Variants in C10orf90 observed in about 807,000 individuals in gnomAD.
C10orf90 encodes (E2-independent) E3 ubiquitin-conjugating enzyme FATS.
C10orf90 carries 56 observed loss-of-function variants against 62.5 expected under a neutral mutation model. The observed-to-expected ratio is 0.90, with a 90% CI of 0.72 to 1.12. The LOEUF is 1.12. Ranked by LOEUF, C10orf90 falls within the 50% of genes most tolerant of loss-of-function variation. The pLI, the probability that C10orf90 is intolerant of heterozygous loss-of-function variation, is 0.00. For missense variants in C10orf90, 970 were observed against 880.4 expected (o/e 1.10, Z -1.29); for synonymous variants, 386 against 340.4 (o/e 1.13, Z -1.47).
At chr10:126,444,091 C>A (rs191724795) in intron 7 of C10orf90, among the ~76,000 whole-genome samples, 3 of 152,196 alleles carry the variant, frequency 2.0e-5, no homozygotes, top group Admixed American at 6.5e-5. Context: ...AAGTTGAAAG[C>A]ATTCCCTCTG....
chr10:126,585,455 A>AGAAGGGAGGGAGAGAGGGAAAAGG (rs1844848732), intron 2 of C10orf90, among the ~76,000 whole-genome samples: 1 of 151,062 alleles, frequency 6.6e-6, no homozygotes, highest in African/African-American at 2.4e-5. Context: ...AAAGGAGGGA[A>AGAAGGGAGGGAGAGAGGGAAAAGG]GAAGGAAGGA....
At chr10:126,640,788 A>T (rs1846044466) in intron 2 of C10orf90, among the ~76,000 whole-genome samples, 1 of 152,168 alleles carries the variant, frequency 6.6e-6, no homozygotes, top group East Asian at 1.9e-4. Context: ...CTGGAGAAAA[A>T]CCCAGAAGGA....
chr10:126,624,344 T>TA (rs373123812), intron 2 of C10orf90, among the ~76,000 whole-genome samples: 383 of 148,492 alleles, frequency 2.6e-3, no homozygotes, highest in Non-Finnish European at 4.2e-3. Flanking sequence ...AGACTCCATC[T>TA]AAAAAAAAAA....
At chr10:126,439,677 A>C (rs1479496269) in intron 7 of C10orf90, among the ~76,000 whole-genome samples, 1 of 152,320 alleles carries the variant, frequency 6.6e-6, no homozygotes, top group East Asian at 1.9e-4. Flanking sequence ...ATGAAATTTA[A>C]AAGGAAGTAA....
At chr10:126,616,949 G>T (rs1845553428) in intron 2 of C10orf90, among the ~76,000 whole-genome samples, 1 of 152,046 alleles carries the variant, frequency 6.6e-6, no homozygotes, top group Non-Finnish European at 1.5e-5. Context: ...TCTAACCAGG[G>T]CTATGTTATC....
chr10:126,643,252 C>T (rs922184105), intron 2 of C10orf90, among the ~76,000 whole-genome samples: 4 of 152,208 alleles, frequency 2.6e-5, no homozygotes, highest in African/African-American at 9.7e-5. Flanking sequence ...CCATGGGCTG[C>T]CTTAAAACAG....
chr10:126,599,110 T>C lies in C10orf90; in HGVS notation c.313+47455A>G, dbSNP rs566751459. 7.9e-5 allele frequency among the ~76,000 whole-genome samples: 12 copies of C among 151,702 alleles called. No individual in the cohort carries two copies. In the East Asian group the frequency reaches 1.9e-3, roughly 25 times the overall value. ...GATCTTGGCTTTTTCAGGCAAGGTC[T>C]CCTCTGCACACCAAGTAGACCTCTC... On this transcript the variant is annotated intron_variant, in intron 2 of 9. Transcript: ENST00000488181.
chr10:126,437,344 T>C (rs1227071028), intron 7 of C10orf90, among the ~76,000 whole-genome samples: 1 of 152,206 alleles, frequency 6.6e-6, no homozygotes, highest in Non-Finnish European at 1.5e-5. Context: ...CAACATCACC[T>C]GGAGACTTGT....
chr10:126,433,296 T>G (rs917665498), intron 7 of C10orf90, among the ~76,000 whole-genome samples: 1 of 151,934 alleles, frequency 6.6e-6, no homozygotes, highest in Admixed American at 6.6e-5. Context: ...ATGAGGTAAA[T>G]AAGGCCTTTA....
At position 126,533,213 on chromosome 10, in the gene C10orf90, C is replaced by A. The variant is rs537219359; in HGVS notation, c.314-19274G>T. ...CCTCCCAAAGTGCTGGGATTACAGG[C>A]GGGAGCCACAGCACCCGGCCTGCTA... On this transcript the variant is annotated intron_variant, in intron 2 of 9. Transcript: ENST00000488181. Among the ~76,000 whole-genome samples the A allele has an allele frequency of 9.2e-5, 14 of 152,172 alleles. 1 individual carries two copies. The South Asian group carries it at 1.5e-3, about 16-fold the overall frequency.
chr10:126,649,170 A>G (rs1038046172), intron 1 of C10orf90, among the ~76,000 whole-genome samples: 5 of 150,602 alleles, frequency 3.3e-5, no homozygotes, highest in South Asian at 2.1e-4. Flanking sequence ...CATGTTCTAC[A>G]GGCTATGTGC....
intron 2 of C10orf90, among the ~76,000 whole-genome samples, chr10:126,535,070 T>C (rs1864196342): frequency 6.6e-6 from 1 of 152,140 alleles, no homozygotes; most frequent in Non-Finnish European, 1.5e-5. Context: ...ATTGTGAGAT[T>C]GTGAGAGAAG....
chr10:126,545,215 C>T (rs1025013964), intron 2 of C10orf90, among the ~76,000 whole-genome samples: 2 of 152,090 alleles, frequency 1.3e-5, no homozygotes, highest in Non-Finnish European at 2.9e-5. Flanking sequence ...AGGTCTCTGA[C>T]CCCTGGGACC....
chr10:126,445,245 G>C (rs1858680728), intron 7 of C10orf90, among the ~76,000 whole-genome samples: 1 of 152,142 alleles, frequency 6.6e-6, no homozygotes, highest in Non-Finnish European at 1.5e-5. Flanking sequence ...CACAGAGTGG[G>C]AGAAAATCTT....
At chr10:126,476,881 T>C (rs1227322369) in intron 4 of C10orf90, among the ~76,000 whole-genome samples, 1 of 151,464 alleles carries the variant, frequency 6.6e-6, no homozygotes, top group Non-Finnish European at 1.5e-5. Context: ...GGGATTTCTT[T>C]TGGAAAATCA....
At chr10:126,611,048 A>G (rs1845422248) in intron 2 of C10orf90, among the ~76,000 whole-genome samples, 1 of 152,180 alleles carries the variant, frequency 6.6e-6, no homozygotes, top group South Asian at 2.1e-4. Context: ...GTTTTTAAGT[A>G]TATTCTCGGA....
At chr10:126,446,831 G>A (rs1488890621) in intron 7 of C10orf90, among the ~76,000 whole-genome samples, 3 of 115,268 alleles carry the variant, frequency 2.6e-5, no homozygotes. Context: ...ACAATAATTT[G>A]TTAAGAAAAA....
chr10:126,459,225 A>C lies in C10orf90; in HGVS notation c.2011-8T>G. On this transcript the variant is annotated splice_region_variant and splice_polypyrimidine_tract_variant and intron_variant, in intron 6 of 9. Transcript: ENST00000488181. The stretch of plus-strand genomic sequence containing the variant: ...ACGAACTTCCAGTGCTTCCTATGCA[A>C]AGCAAAGAAAATACGTCATTTTTAA... 6.2e-7 allele frequency: 1 copy of C among 1,613,314 alleles called. No individual in the cohort carries two copies. The highest frequency in any genetic ancestry group is 8.5e-7 in the Non-Finnish European group (1 of 1,180,022).
intron 6 of C10orf90, among the ~76,000 whole-genome samples, chr10:126,461,055 C>A (rs919041551): frequency 2.6e-5 from 4 of 152,132 alleles, no homozygotes; most frequent in African/African-American, 9.7e-5. Context: ...AGATCTGGAG[C>A]CCCTATATGC....
Sources: gnomAD v4.1 joint callset for allele counts (sites outside exome capture counted in the v4.1 genomes callset) on GRCh38, gnomAD v4.1.1 for gene constraint, MANE v1.5 for transcripts, NCBI Gene and HGNC (gene_info 2026-07-23, HGNC 2026-07-21) for gene names.